The following ADGRL1 variants were observed in gnomAD, a reference collection of about 807,000 sequenced individuals.
The protein encoded by ADGRL1 is CIRL-1.
A neutral mutation model predicts 148.9 loss-of-function variants in ADGRL1; 31 were observed. The observed-to-expected ratio is 0.21, with a 90% CI of 0.16 to 0.28. The LOEUF (loss-of-function observed/expected upper bound fraction) is 0.28. Among genes scored for constraint, ADGRL1 ranks in the 10% least tolerant of loss-of-function variants. The probability of loss-of-function intolerance (pLI) is 1.00; values close to 1 mark genes in which losing one functional copy is unlikely to be tolerated. For synonymous variants in ADGRL1, 937 were observed against 900.3 expected (o/e 1.04, Z -0.73); for missense variants, 1,521 against 2,058.8 (o/e 0.74, Z 5.05).
chr19:14,147,778 T>C lies in ADGRL1; in HGVS notation c.*3095A>G, dbSNP rs766347370. ...TCTTAATTTCTTTATTGTTTGACTT[T>C]TTGACTCAACAATTTTTTTAAAACT... On this transcript the variant is annotated 3_prime_UTR_variant, in exon 23 of 23. Coordinates refer to ENST00000361434, the MANE Select transcript of ADGRL1 (RefSeq NM_014921.5). 2 of 152,514 alleles carry C rather than the reference T, an allele frequency of 1.3e-5. No individual in the cohort carries two copies. Among genetic ancestry groups the C allele is most frequent in the Non-Finnish European group, 2.9e-5 (2 of 68,048 alleles). 9.4% of individuals were successfully genotyped at this position (152,514 alleles called of 1,614,324 possible). A position where few individuals can be genotyped will look rare whatever the true frequency, so the allele number is the denominator to read the frequency against.
At chr19:14,165,278 C>A (rs1568591747) in intron 4 of ADGRL1, among the ~76,000 whole-genome samples, 1 of 152,214 alleles carries the variant, frequency 6.6e-6, no homozygotes, top group East Asian at 1.9e-4. Context: ...TGGCCATCCC[C>A]CTGTCCCTGA....
At chr19:14,203,653 C>CCCCAGGAGAAAGGGCTG (rs1972763433) in intron 1 of ADGRL1, among the ~76,000 whole-genome samples, 1 of 152,084 alleles carries the variant, frequency 6.6e-6, no homozygotes, top group African/African-American at 2.4e-5. Flanking sequence ...AGAAAGGGCT[C>CCCCAGGAGAAAGGGCTG]CCCTGGGCAG....
At position 14,183,212 on chromosome 19, in the gene ADGRL1, A is replaced by AGAGAGAGCGC. The variant is rs71172403; in HGVS notation, c.70+320_70+321insGCGCTCTCTC. ...TAATCACAGAGAGAGAGAGAGAGAGAGAGAGCGAGAGAGAGACAGAGAGAG... is the reference window on the plus strand; with the variant it reads ...TAATCACAGAGAGAGAGAGAGAGAGAGAGAGAGCGCGAGAGCGAGAGAGAGACAGAGAGAG... On this transcript the variant is annotated intron_variant, in intron 2 of 22. Transcript: ENST00000361434. Among the ~76,000 whole-genome samples, 4 of 151,168 alleles carry AGAGAGAGCGC rather than the reference A, an allele frequency of 2.6e-5. No individual in the cohort carries two copies. The East Asian group carries it at 5.8e-4, about 22-fold the overall frequency.
At chr19:14,163,498 G>C (rs927780028) in intron 4 of ADGRL1, 92 bp from the exon 5 acceptor site, 5 of 948,762 alleles carry the variant, frequency 5.3e-6, no homozygotes, top group African/African-American at 5.2e-5. Context: ...GAGAGAGAGA[G>C]GGGGGAGAGA....
rs1971356762 is a variant in ADGRL1, at chr19:14,183,404, C to T, written c.70+129G>A. ...TGAGTCTTCCACTGGCCTGCTCCAG[C>T]TGAGGTCTGGGGCGGGGCAGGGGGC... is the stretch of plus-strand genomic sequence containing the variant. On this transcript the variant is annotated intron_variant, in intron 2 of 22. Transcript: ENST00000361434. 1.4e-5 allele frequency: 12 copies of T among 834,474 alleles called. No homozygotes were observed. In the South Asian group the frequency reaches 2.0e-4, roughly 14 times the overall value. 51.7% of individuals were successfully genotyped at this position (834,474 alleles called of 1,614,324 possible).
intron 18 of ADGRL1, among the ~76,000 whole-genome samples, chr19:14,153,498 C>T (rs965534468): frequency 1.3e-5 from 2 of 149,366 alleles, no homozygotes; most frequent in Non-Finnish European, 3.0e-5. Flanking sequence ...TCACTGCAAC[C>T]TCCACCTCCC....
intron 3 of ADGRL1, among the ~76,000 whole-genome samples, chr19:14,173,204 A>G (rs1031346946): frequency 6.6e-6 from 1 of 151,928 alleles, no homozygotes; most frequent in African/African-American, 2.4e-5. Context: ...CAAACAATCT[A>G]CCCGTCTCGA....
chr19:14,152,167 G>C lies in ADGRL1; in HGVS notation c.3650-17C>G, dbSNP rs368285474. The C allele has an allele frequency of 6.2e-7, 1 of 1,614,156 alleles. No individual in the cohort carries two copies. The highest frequency in any genetic ancestry group is 8.5e-7 in the Non-Finnish European group (1 of 1,180,004). ...GGTAGCTCCCTGCAGGTGGCAGCCA[G>C]AAGAGAGAAGAGAAAAGGCAAGGAT... On this transcript the variant is annotated splice_polypyrimidine_tract_variant and intron_variant, in intron 21 of 22. Coordinates refer to ENST00000361434, the MANE Select transcript of ADGRL1 (RefSeq NM_014921.5). The surrounding 1 kb of genome is among the most constrained non-coding windows in gnomAD (Gnocchi z 6.1).
chr19:14,157,735 T>C lies in ADGRL1; in HGVS notation c.2535+147A>G. 1.0e-6 allele frequency: 1 copy of C among 958,310 alleles called. No individual in the cohort carries two copies. Among genetic ancestry groups the C allele is most frequent in the Non-Finnish European group, 1.5e-6 (1 of 656,856 alleles). The allele number at this position is 958,310 out of a possible 1,614,324, so 59.4% of individuals were successfully genotyped here. A position where few individuals can be genotyped will look rare whatever the true frequency, so the allele number is the denominator to read the frequency against. ...TCATGGCCATAGAGGACCAGACGCA[T>C]GGCCTCATGCCCCAGGCAAGACCAG... On this transcript the variant is annotated intron_variant, in intron 13 of 22. Transcript: ENST00000361434. The surrounding 1 kb of genome is among the most constrained non-coding windows in gnomAD (Gnocchi z 7.5).
At position 14,159,776 on chromosome 19, in the gene ADGRL1, A is replaced by G. The variant is rs183974218; in HGVS notation, c.1801-3T>C. 8.1e-5 allele frequency: 131 copies of G among 1,613,576 alleles called. No homozygotes were observed. The highest frequency in any genetic ancestry group is 1.3e-4 in the Admixed American group (8 of 60,022). ...CAAGTTCTCTCTCGCTTGTGCATCTAGAAAGAGATGGAGGTGATGTCAGGC... is the reference window on the plus strand; with the variant it reads ...CAAGTTCTCTCTCGCTTGTGCATCTGGAAAGAGATGGAGGTGATGTCAGGC... On this transcript the variant is annotated splice_polypyrimidine_tract_variant and splice_region_variant and intron_variant, in intron 8 of 22. Coordinates refer to ENST00000361434, the MANE Select transcript of ADGRL1 (RefSeq NM_014921.5). The surrounding 1 kb of genome is among the most constrained non-coding windows in gnomAD (Gnocchi z 6.0).
rs1968044552 is a variant in ADGRL1, at chr19:14,150,343, C to G, written c.*530G>C. 6.5e-6 allele frequency: 1 copy of G among 153,434 alleles called. No individual in the cohort carries two copies. Among genetic ancestry groups the G allele is most frequent in the African/African-American group, 2.4e-5 (1 of 41,462 alleles). The allele number at this position is 153,434 out of a possible 1,614,324, so 9.5% of individuals were successfully genotyped here. A position where few individuals can be genotyped will look rare whatever the true frequency, so the allele number is the denominator to read the frequency against. On this transcript the variant is annotated 3_prime_UTR_variant, in exon 23 of 23. Coordinates refer to ENST00000361434, the MANE Select transcript of ADGRL1 (RefSeq NM_014921.5). ...CTGCCCTGCGGCCTTTTCCCAGTCT[C>G]CAGGGAGCAGGGAATTACAGCGCAG... is the stretch of plus-strand genomic sequence containing the variant.
chr19:14,191,041 T>C (rs541848299), intron 1 of ADGRL1: 2 of 434,974 alleles, frequency 4.6e-6, no homozygotes, highest in Admixed American at 2.4e-5. Context: ...TGAGCCAAGA[T>C]CACGCCACCG....
At chr19:14,201,283 G>A (rs1170256817) in intron 1 of ADGRL1, among the ~76,000 whole-genome samples, 1 of 144,642 alleles carries the variant, frequency 6.9e-6, no homozygotes, top group Admixed American at 7.2e-5. Flanking sequence ...GAGGGGCACT[G>A]GCTATTCTGA....
rs80055970 is a variant in ADGRL1 at position 14,173,356 on chromosome 19, G to A, written c.285-2565C>T. 6.5e-3 allele frequency among the ~76,000 whole-genome samples: 994 copies of A among 152,082 alleles called. 11 individuals are homozygous for A. The highest frequency in any genetic ancestry group is 0.022 in the African/African-American group (914 of 41,464). Reference sequence around the variant, plus strand: ...TGGCTCATTGTAGTCTCGACTTCCCGAAGTGCTGGGATTACAGGCATGAGC... The same window carrying A: ...TGGCTCATTGTAGTCTCGACTTCCCAAAGTGCTGGGATTACAGGCATGAGC... On this transcript the variant is annotated intron_variant, in intron 3 of 22. Transcript: ENST00000361434.
At position 14,183,684 on chromosome 19, in the gene ADGRL1, C is replaced by T; in HGVS notation, c.-82G>A. 1 of 1,258,878 alleles carries T rather than the reference C, an allele frequency of 7.9e-7. No homozygotes were observed. The highest frequency in any genetic ancestry group is 1.1e-6 in the Non-Finnish European group (1 of 898,782). 78.0% of individuals were successfully genotyped at this position (1,258,878 alleles called of 1,614,324 possible). ...CCACATCACCTGGCAGGCACCACGG[C>T]CTGGACCACCAGCCTGGGGGAGGAC... is the stretch of plus-strand genomic sequence containing the variant. On this transcript the variant is annotated 5_prime_UTR_variant, in exon 2 of 23. Transcript: ENST00000361434.
At position 14,155,634 on chromosome 19, in the gene ADGRL1, T is replaced by C. The variant is rs1034755498; in HGVS notation, c.3126-107A>G. 1 of 1,195,724 alleles carries C rather than the reference T, an allele frequency of 8.4e-7. No homozygotes were observed. The highest frequency in any genetic ancestry group is 1.2e-6 in the Non-Finnish European group (1 of 847,586). 74.1% of individuals were successfully genotyped at this position (1,195,724 alleles called of 1,614,324 possible). On this transcript the variant is annotated intron_variant, in intron 17 of 22. Transcript: ENST00000361434. The surrounding 1 kb of genome is among the most constrained non-coding windows in gnomAD (Gnocchi z 5.0). ...GGGGCCCTTGGGTGGGCCTGGGCAC[T>C]GTCTGCAAAGCCCTGAGCGGGCCGA...
chr19:14,181,129 C>G (rs370503874), intron 2 of ADGRL1, among the ~76,000 whole-genome samples: 1 of 152,232 alleles, frequency 6.6e-6, no homozygotes, highest in Non-Finnish European at 1.5e-5. Flanking sequence ...AATGATCATA[C>G]CTGAGTGTTC....
At position 14,160,440 on chromosome 19, in the gene ADGRL1, C is replaced by G; in HGVS notation, c.1615-143G>C. The G allele has an allele frequency of 1.1e-6, 1 of 938,470 alleles. No homozygotes were observed. The highest frequency in any genetic ancestry group is 2.6e-5 in the East Asian group (1 of 37,920). 58.1% of individuals were successfully genotyped at this position (938,470 alleles called of 1,614,324 possible). ...ATCTGCCCCTTCCCACCCCATCTGT[C>G]CCTGCTCCCTTTGTAGGCCAGGGAG... On this transcript the variant is annotated intron_variant, in intron 7 of 22. Transcript: ENST00000361434. The surrounding 1 kb of genome is among the most constrained non-coding windows in gnomAD (Gnocchi z 5.9).
At chr19:14,164,088 T>C (rs1191789160) in intron 4 of ADGRL1, among the ~76,000 whole-genome samples, 1 of 151,838 alleles carries the variant, frequency 6.6e-6, no homozygotes, top group Non-Finnish European at 1.5e-5. Context: ...TGATGCAGCC[T>C]GCTCCCCACC....
Sources: allele counts gnomAD v4.1 joint callset (sites outside exome capture counted in the v4.1 genomes callset), GRCh38; gene constraint gnomAD v4.1.1; non-coding constraint Gnocchi (gnomAD v3.1); transcripts MANE v1.5; gene names NCBI Gene and HGNC (gene_info 2026-07-23, HGNC 2026-07-21).